Variants in TANC2 observed in about 807,000 individuals in gnomAD.
The protein encoded by TANC2 is tetratricopeptide repeat, ankyrin repeat and coiled-coil containing 2, also known as protein TANC2.
In TANC2, 26 loss-of-function variants were observed where a neutral mutation model predicts 210.5. That is an observed-to-expected ratio of 0.12 (90% CI 0.09 to 0.17). The LOEUF (loss-of-function observed/expected upper bound fraction) is 0.17. Among genes scored for constraint, TANC2 ranks in the 10% least tolerant of loss-of-function variants. The probability of loss-of-function intolerance (pLI) is 1.00; values close to 1 mark genes in which losing one functional copy is unlikely to be tolerated. For missense variants in TANC2, 2,129 were observed against 2,608.9 expected, an observed-to-expected ratio of 0.82 and a Z score of 4.01; for synonymous variants, 931 against 967.1, an observed-to-expected ratio of 0.96 and a Z score of 0.69.
Position 63,095,670 on chromosome 17 carries a change from C to A in TANC2, c.140-3505C>A, listed in dbSNP as rs2037360531. ...ATCATGCCCAACCTAGATCAGCTGA[C>A]TCAGAGTCAGTCTGAAGGCTCATGA... On this transcript the variant is annotated intron_variant, in intron 3 of 27. Coordinates refer to ENST00000689528, the Ensembl canonical transcript of TANC2. Among the ~76,000 whole-genome samples, 6 of 152,212 alleles carry A rather than the reference C, an allele frequency of 3.9e-5. No homozygotes were observed. The South Asian group carries it at 1.2e-3, about 32-fold the overall frequency.
intron 1 of TANC2, among the ~76,000 whole-genome samples, chr17:62,990,838 C>T (rs1185797426): frequency 6.6e-6 from 1 of 151,948 alleles, no homozygotes; most frequent in South Asian, 2.1e-4. Flanking sequence ...AGAGTTCTTT[C>T]TGATAATTTT....
At chr17:62,981,228 A>G (rs2032282708) in intron 1 of TANC2, among the ~76,000 whole-genome samples, 1 of 152,046 alleles carries the variant, frequency 6.6e-6, no homozygotes, top group South Asian at 2.1e-4. Flanking sequence ...CTCTCAGCTG[A>G]TGACCTTGCT....
chr17:63,331,264 T>C (rs1302673120), intron 11 of TANC2, among the ~76,000 whole-genome samples: 1 of 152,262 alleles, frequency 6.6e-6, no homozygotes, highest in African/African-American at 2.4e-5. Context: ...TAAATAACAT[T>C]GTGATCCATA....
intron 5 of TANC2, chr17:63,154,555 G>A (rs1251713792): frequency 6.6e-6 from 1 of 152,046 alleles, no homozygotes; most frequent in African/African-American, 2.4e-5. Flanking sequence ...TTTGGGGCAA[G>A]TCACTTAACC....
At chr17:63,390,181 T>C (rs889482733) in intron 17 of TANC2, 2 of 152,522 alleles carry the variant, frequency 1.3e-5, no homozygotes, top group African/African-American at 4.8e-5. Context: ...AATGCTGGTC[T>C]CACAAATGTG....
At position 63,420,952 on chromosome 17, in the gene TANC2, G is replaced by A. The variant is rs771860241; in HGVS notation, c.5222G>A (p.Arg1741Gln). 9.3e-6 allele frequency: 15 copies of A among 1,613,996 alleles called. No homozygotes were observed. Among genetic ancestry groups the A allele is most frequent in the Middle Eastern group, 1.6e-4 (1 of 6,062 alleles). ...GGAGACATAGGAGTCAGCCAGAGCC[G>A]GTTGGTTTATCAAGGGTCAATTGGG... The change falls in exon 28 of 28, where the codon CGG (arginine) becomes CAG (glutamine). Residue 1741 changes from arginine to glutamine, a missense_variant. Arg to Gln is a conservative substitution (Grantham distance 43). Transcript: ENST00000689528. This position sits in a 1 kb window ranked among gnomAD's most constrained non-coding sequence, Gnocchi z 4.2.
At chr17:63,087,410 CTG>C (rs1568373534) in intron 3 of TANC2, among the ~76,000 whole-genome samples, 1 of 152,088 alleles carries the variant, frequency 6.6e-6, no homozygotes, top group Non-Finnish European at 1.5e-5. Context: ...CAGTGCTTCT[CTG>C]TTTTTTTCTT....
At chr17:63,064,864 A>C (rs2036138904) in intron 2 of TANC2, among the ~76,000 whole-genome samples, 1 of 150,566 alleles carries the variant, frequency 6.6e-6, no homozygotes, top group Non-Finnish European at 1.5e-5. Flanking sequence ...AATGTCTCAA[A>C]CTTTTTTTTT....
chr17:63,306,608 T>A (rs2044915178), intron 9 of TANC2, among the ~76,000 whole-genome samples: 1 of 152,154 alleles, frequency 6.6e-6, no homozygotes, highest in African/African-American at 2.4e-5. Flanking sequence ...CATAAAATAA[T>A]TAGTATTTAT....
intron 2 of TANC2, among the ~76,000 whole-genome samples, chr17:63,019,807 C>G (rs1296526924): frequency 1.8e-5 from 2 of 110,726 alleles, no homozygotes; most frequent in African/African-American, 3.4e-5. Context: ...TTTTGGCTGT[C>G]TTCAATTGGA....
intron 6 of TANC2, among the ~76,000 whole-genome samples, chr17:63,196,027 G>C (rs571514257): frequency 6.6e-6 from 1 of 152,248 alleles, no homozygotes; most frequent in Non-Finnish European, 1.5e-5. Flanking sequence ...CTGCCTAAAT[G>C]TTACCTCCTC....
At chr17:63,110,383 A>G (rs2037989083) in intron 4 of TANC2, among the ~76,000 whole-genome samples, 1 of 151,768 alleles carries the variant, frequency 6.6e-6, no homozygotes, top group African/African-American at 2.4e-5. Flanking sequence ...CTTAATGGAG[A>G]ACATTAAAGC....
chr17:63,389,847 CAA>C, intron 17 of TANC2: 2 of 355,458 alleles, frequency 5.6e-6, no homozygotes, highest in Non-Finnish European at 1.1e-5. Flanking sequence ...CTCTTTTTAA[CAA>C]AGAGAGGAAG....
chr17:62,976,706 C>G (rs969100063), intron 1 of TANC2, among the ~76,000 whole-genome samples: 1 of 152,062 alleles, frequency 6.6e-6, no homozygotes, highest in Admixed American at 6.6e-5. Context: ...TAAATACTAC[C>G]TGTAATAAAA....
intron 1 of TANC2, among the ~76,000 whole-genome samples, chr17:62,987,198 G>C (rs2032613007): frequency 6.6e-6 from 1 of 152,132 alleles, no homozygotes; most frequent in African/African-American, 2.4e-5. Flanking sequence ...TTGGTTCTTT[G>C]CTGTGCAGGA....
At chr17:63,125,431 G>A (rs964530138) in intron 4 of TANC2, among the ~76,000 whole-genome samples, 3 of 152,064 alleles carry the variant, frequency 2.0e-5, no homozygotes, top group Admixed American at 6.5e-5. Flanking sequence ...AAGGGAAGCC[G>A]TTTTTTACCT....
chr17:63,342,532 T>C (rs2046266993), intron 12 of TANC2, among the ~76,000 whole-genome samples: 1 of 152,086 alleles, frequency 6.6e-6, no homozygotes, highest in South Asian at 2.1e-4. Context: ...ATCCCAGCAC[T>C]TTGGGAGGCC....
At chr17:63,146,046 C>T (rs1020945890) in intron 4 of TANC2, among the ~76,000 whole-genome samples, 7 of 152,042 alleles carry the variant, frequency 4.6e-5, no homozygotes, top group Non-Finnish European at 7.4e-5. Flanking sequence ...GAATGGATGC[C>T]TTTTCATTTA....
At chr17:63,076,498 G>T (rs2036576366) in intron 3 of TANC2, among the ~76,000 whole-genome samples, 1 of 152,134 alleles carries the variant, frequency 6.6e-6, no homozygotes, top group Non-Finnish European at 1.5e-5. Context: ...AAATAAACAG[G>T]CCAGTTAGCT....
Sources: gnomAD v4.1 joint callset for allele counts (sites outside exome capture counted in the v4.1 genomes callset) on GRCh38, gnomAD v4.1.1 for gene constraint, Gnocchi (gnomAD v3.1) non-coding constraint, MANE v1.5 for transcripts, NCBI Gene and HGNC (gene_info 2026-07-23, HGNC 2026-07-21) for gene names.